The following ITPR3 variants were observed in gnomAD, a reference collection of about 807,000 sequenced individuals.
The protein encoded by ITPR3 is inositol 1,4,5-trisphosphate receptor type 3.
A neutral mutation model predicts 293.2 loss-of-function variants in ITPR3; 173 were observed. That is an observed-to-expected ratio of 0.59 (90% CI 0.52 to 0.67). The LOEUF is 0.67. Ranked by LOEUF, ITPR3 falls within the 30% of genes least tolerant of loss-of-function variation. ITPR3 has a pLI of 0.00. For missense variants in ITPR3, 2,796 were observed against 3,592.1 expected, an observed-to-expected ratio of 0.78 and a Z score of 5.66; for synonymous variants, 1,295 against 1,444.4, an observed-to-expected ratio of 0.90 and a Z score of 2.35.
chr6:33,637,813 CTTTT>C (rs56694936), intron 1 of ITPR3, among the ~76,000 whole-genome samples: 6 of 140,258 alleles, frequency 4.3e-5, no homozygotes, highest in Non-Finnish European at 9.3e-5. Flanking sequence ...TTCTTTCTTT[CTTTT>C]TTTTTTTTTT....
At position 33,671,032 on chromosome 6, in the gene ITPR3, T is replaced by C. The variant is rs542732736; in HGVS notation, c.2587-133T>C. 155 of 1,461,364 alleles carry C rather than the reference T, an allele frequency of 1.1e-4. 2 individuals carry two copies. In the African/African-American group the frequency reaches 1.3e-3, roughly 13 times the overall value. The allele number at this position is 1,461,364 out of a possible 1,614,324, so 90.5% of individuals were successfully genotyped here. On this transcript the variant is annotated intron_variant, in intron 20 of 57. Coordinates refer to ENST00000605930, the MANE Select transcript of ITPR3 (RefSeq NM_002224.4). ...AAAGGGCTGCCTCTCCCTGCTCCGC[T>C]CTCCCTCCTGGGAACCCCGTCCTCA...
intron 1 of ITPR3, among the ~76,000 whole-genome samples, chr6:33,636,609 C>A (rs939324962): frequency 6.6e-6 from 1 of 151,730 alleles, no homozygotes; most frequent in Admixed American, 6.6e-5. Flanking sequence ...GAGTTGCCAT[C>A]GACTGAGATG....
In ITPR3 at chr6:33,633,813, GGCGGGGCGGGCGCGGGGCGGGC is replaced by G. The variant is rs542830036; in HGVS notation, c.90-6660_90-6639del. Among the ~76,000 whole-genome samples the G allele has an allele frequency of 1.4e-5, 2 of 141,060 alleles. No individual in the cohort carries two copies. The highest frequency in any genetic ancestry group is 5.2e-5 in the African/African-American group (2 of 38,558). 92.5% of individuals were successfully genotyped at this position (141,060 alleles called of 152,430 possible). ...AGCTCGCGGGCCGGGCCAGGCTGGGGGCGGGGCGGGCGCGGGGCGGGCGCGGGGCGGGGCCGGGCCGGGCCGG... is the reference window on the plus strand; with the variant it reads ...AGCTCGCGGGCCGGGCCAGGCTGGGGGCGGGGCGGGGCCGGGCCGGGCCGG... On this transcript the variant is annotated intron_variant, in intron 1 of 57. Transcript: ENST00000605930. The surrounding 1 kb of genome is among the most constrained non-coding windows in gnomAD (Gnocchi z 5.2).
rs1266308222 is a variant in ITPR3 at position 33,679,008 on chromosome 6, T to C, written c.3972+169T>C. On this transcript the variant is annotated intron_variant, in intron 30 of 57. Coordinates refer to ENST00000605930, the MANE Select transcript of ITPR3 (RefSeq NM_002224.4). This position sits in a 1 kb window ranked among gnomAD's most constrained non-coding sequence, Gnocchi z 4.2. Reference sequence around the variant, plus strand: ...GGGAGAAGTGAGGCTGCAGATGTGGTAGAACTCAGCCTGTGGGCCTGATAG... The same window carrying C: ...GGGAGAAGTGAGGCTGCAGATGTGGCAGAACTCAGCCTGTGGGCCTGATAG... Among the ~76,000 whole-genome samples the C allele has an allele frequency of 6.6e-6, 1 of 152,128 alleles. No homozygotes were observed. Among genetic ancestry groups the C allele is most frequent in the Non-Finnish European group, 1.5e-5 (1 of 68,004 alleles).
chr6:33,668,869 G>A, intron 17 of ITPR3, 105 bp from the exon 18 acceptor site: 1 of 1,281,960 alleles, frequency 7.8e-7, no homozygotes, highest in Non-Finnish European at 1.1e-6. Flanking sequence ...GGTCTCTCTG[G>A]GTCCCCGTGG....
At chr6:33,694,409 C>CT (rs1037797915) in intron 56 of ITPR3, 248 of 173,118 alleles carry the variant, frequency 1.4e-3, no homozygotes, top group Non-Finnish European at 2.4e-3. Flanking sequence ...CCCCTCCCCC[C>CT]CCGACTCCTC....
chr6:33,683,228 T>C lies in ITPR3; in HGVS notation c.4619T>C (p.Leu1540Pro). 6.5e-7 allele frequency: 1 copy of C among 1,540,864 alleles called. No homozygotes were observed. The highest frequency in any genetic ancestry group is 8.8e-7 in the Non-Finnish European group (1 of 1,136,806). Residue 1540 changes from leucine (L) to proline (P), a missense_variant, in exon 35 of 58, where the codon CTG (leucine) becomes CCG (proline). Leu to Pro is a moderately conservative substitution (Grantham distance 98). Coordinates refer to ENST00000605930, the MANE Select transcript of ITPR3 (RefSeq NM_002224.4). The surrounding 1 kb of genome is among the most constrained non-coding windows in gnomAD (Gnocchi z 4.5). Reference protein sequence around the residue: ...AMVAKGRAILLPMDLDAHISS... With the variant: ...AMVAKGRAILPPMDLDAHISS... ...CCAGCCAAGGGCCGGGCCATCTTGC[T>C]GCCCATGGACCTGGATGCCCACATC... is the stretch of plus-strand genomic sequence containing the variant.
intron 28 of ITPR3, among the ~76,000 whole-genome samples, chr6:33,678,134 C>T (rs1014342966): frequency 6.6e-6 from 1 of 152,132 alleles, no homozygotes; most frequent in African/African-American, 2.4e-5. Flanking sequence ...CCCTTTTGAC[C>T]CTCAGCCCCT....
Position 33,672,887 on chromosome 6 carries a change from C to T in ITPR3, c.2928+659C>T, listed in dbSNP as rs1764805881. On this transcript the variant is annotated intron_variant, in intron 22 of 57. Transcript: ENST00000605930. This position sits in a 1 kb window ranked among gnomAD's most constrained non-coding sequence, Gnocchi z 5.0. ...GGTCTCATCTGAGACTCCCCAGCCA[C>T]ACCCCAGGAAGGGGCTCATCCCCGA... Among the ~76,000 whole-genome samples the T allele has an allele frequency of 6.6e-6, 1 of 152,218 alleles. No individual in the cohort carries two copies. Among genetic ancestry groups the T allele is most frequent in the South Asian group, 2.1e-4 (1 of 4,830 alleles).
At chr6:33,662,388 C>A in intron 7 of ITPR3, 140 bp from the exon 8 acceptor site, 1 of 508,762 alleles carries the variant, frequency 2.0e-6, no homozygotes, top group Non-Finnish European at 2.9e-6. Flanking sequence ...CAGCTTGCAT[C>A]CCCCTCTCTG....
intron 2 of ITPR3, among the ~76,000 whole-genome samples, chr6:33,651,632 C>T (rs887232961): frequency 7.9e-5 from 12 of 152,194 alleles, no homozygotes; most frequent in African/African-American, 2.7e-4. Flanking sequence ...ATCAGGAAGT[C>T]GCCTCAAGGC....
At position 33,670,867 on chromosome 6, in the gene ITPR3, C is replaced by T; in HGVS notation, c.2586+52C>T. ...GGGGTCCGTGGAGCTCTTGTTGGCC[C>T]CACACTGGCCTCGGTCTTCACCCAG... On this transcript the variant is annotated intron_variant, in intron 20 of 57. Transcript: ENST00000605930. The surrounding 1 kb of genome is among the most constrained non-coding windows in gnomAD (Gnocchi z 6.7). 1 of 1,592,216 alleles carries T rather than the reference C, an allele frequency of 6.3e-7. No homozygotes were observed. Among genetic ancestry groups the T allele is most frequent in the Non-Finnish European group, 8.5e-7 (1 of 1,170,234 alleles).
rs774229060 is a variant in ITPR3 at position 33,672,215 on chromosome 6, T to C, written c.2915T>C (p.Leu972Pro). 6.2e-7 allele frequency: 1 copy of C among 1,607,010 alleles called. No individual in the cohort carries two copies. Among genetic ancestry groups the C allele is most frequent in the Non-Finnish European group, 8.5e-7 (1 of 1,177,838 alleles). ...IVVMETKLKI[L>P]EILQFILNVR... The stretch of plus-strand genomic sequence containing the variant: ...GTGATGGAGACCAAGCTGAAGATCC[T>C]GGAAATCCTTCAGGTGCCTGGGCCA... Residue 972 changes from leucine (L) to proline (P), a missense_variant, in exon 22 of 58, where the codon CTG becomes CCG. Transcript: ENST00000605930. This position sits in a 1 kb window ranked among gnomAD's most constrained non-coding sequence, Gnocchi z 5.0.
chr6:33,689,405 C>T lies in ITPR3; in HGVS notation c.6862C>T (p.Leu2288Phe). The change falls in exon 50 of 58, where the codon CTC (leucine) becomes TTC (phenylalanine). Residue 2288 changes from leucine (L) to phenylalanine (F), a missense_variant. By Grantham distance (22) the Leu-to-Phe change is conservative. Transcript: ENST00000605930. Reference sequence around the variant, plus strand: ...GCCCACACTCAACATCCTGGGTGCCCTCAATGTGAGTGCCAGAGGGAGCCC... The same window carrying T: ...GCCCACACTCAACATCCTGGGTGCCTTCAATGTGAGTGCCAGAGGGAGCCC... ...IGPTLNILGALNLTNKIVFVV... is the reference protein window; with the variant it reads ...IGPTLNILGAFNLTNKIVFVV... The T allele has an allele frequency of 6.2e-7, 1 of 1,609,090 alleles. No individual in the cohort carries two copies. Among genetic ancestry groups the T allele is most frequent in the African/African-American group, 1.3e-5 (1 of 75,058 alleles).
intron 18 of ITPR3, among the ~76,000 whole-genome samples, chr6:33,669,552 G>C (rs1379180780): frequency 6.6e-6 from 1 of 152,188 alleles, no homozygotes. Context: ...AGCCAAGATC[G>C]CACTACTGCA....
chr6:33,690,038 CCAA>C lies in ITPR3; in HGVS notation c.6876_6878del (p.Asn2292del). On this transcript the variant is annotated inframe_deletion, in exon 51 of 58. Coordinates refer to ENST00000605930, the MANE Select transcript of ITPR3 (RefSeq NM_002224.4). ...ATGCCTTGCACTCGCCCCCAGCTGA[CCAA>C]CAAGATCGTGTTTGTGGTGAGCTTC... 6.2e-7 allele frequency: 1 copy of C among 1,614,210 alleles called. No homozygotes were observed. The highest frequency in any genetic ancestry group is 8.5e-7 in the Non-Finnish European group (1 of 1,180,036).
intron 1 of ITPR3, among the ~76,000 whole-genome samples, chr6:33,626,164 G>A (rs11751985): frequency 0.025 from 3,847 of 152,112 alleles, 69 homozygotes; most frequent in Non-Finnish European, 0.039. Flanking sequence ...AAAACTCCTG[G>A]GCTCAAGTGA....
chr6:33,673,573 C>A lies in ITPR3; in HGVS notation c.2929-18C>A. ...AGTCCTCACCCCATCCTCACCTGAC[C>A]TTTCCTCTCTTCTCCAGTTCATCCT... On this transcript the variant is annotated intron_variant, in intron 22 of 57. Transcript: ENST00000605930. 2 of 1,613,746 alleles carry A rather than the reference C, an allele frequency of 1.2e-6. No homozygotes were observed. Among genetic ancestry groups the A allele is most frequent in the South Asian group, 1.1e-5 (1 of 91,036 alleles).
At position 33,682,707 on chromosome 6, in the gene ITPR3, C is replaced by A; in HGVS notation, c.4597+63C>A. On this transcript the variant is annotated intron_variant, in intron 34 of 57. Coordinates refer to ENST00000605930, the MANE Select transcript of ITPR3 (RefSeq NM_002224.4). The surrounding 1 kb of genome is among the most constrained non-coding windows in gnomAD (Gnocchi z 5.4). ...CCTCCTGCCGCTCACAGTGGGGACG[C>A]CTGCCCTCCTAATAAACACTTTATC... 1 of 1,537,150 alleles carries A rather than the reference C, an allele frequency of 6.5e-7. No individual in the cohort carries two copies. Among genetic ancestry groups the A allele is most frequent in the Non-Finnish European group, 8.7e-7 (1 of 1,150,650 alleles).
Sources: gnomAD v4.1 joint callset for allele counts (sites outside exome capture counted in the v4.1 genomes callset) on GRCh38, gnomAD v4.1.1 for gene constraint, Gnocchi (gnomAD v3.1) non-coding constraint, MANE v1.5 for transcripts, NCBI Gene and HGNC (gene_info 2026-07-23, HGNC 2026-07-21) for gene names.